Variants in SOX5 observed in about 807,000 individuals in gnomAD.
SOX5 encodes transcription factor SOX-5.
Under a neutral mutation model 92.0 loss-of-function variants are expected in SOX5, and 9 were observed. The observed-to-expected ratio is 0.10, with a 90% confidence interval of 0.06 to 0.17. The LOEUF (loss-of-function observed/expected upper bound fraction) is 0.17, where lower values mean the gene tolerates loss of function less well. SOX5 is among the 10% of genes least tolerant of loss of function. SOX5 has a pLI of 1.00. For synonymous variants in SOX5, 344 were observed against 336.3 expected, an observed-to-expected ratio of 1.02 and a Z score of -0.25; for missense variants, 642 against 944.5, an observed-to-expected ratio of 0.68 and a Z score of 4.20.
At chr12:24,407,348 A>C (rs1333366363) in intron 1 of SOX5, 3 of 152,286 alleles carry the variant, frequency 2.0e-5, no homozygotes, top group African/African-American at 7.2e-5. Context: ...GGCATCTCAT[A>C]GCCTTATCCA....
At chr12:24,349,169 C>T (rs1166524951) in intron 2 of SOX5, among the ~76,000 whole-genome samples, 1 of 152,208 alleles carries the variant, frequency 6.6e-6, no homozygotes, top group Non-Finnish European at 1.5e-5. Context: ...GCTGGCTTCT[C>T]AGCATGGTTC....
At chr12:23,567,584 C>T (rs1947361550) in intron 10 of SOX5, among the ~76,000 whole-genome samples, 1 of 151,306 alleles carries the variant, frequency 6.6e-6, no homozygotes, top group Non-Finnish European at 1.5e-5. Flanking sequence ...CCTCAGCCTC[C>T]TGAGTAGCTG....
chr12:24,225,343 C>A (rs1961650715), intron 3 of SOX5, among the ~76,000 whole-genome samples: 1 of 152,156 alleles, frequency 6.6e-6, no homozygotes, highest in Non-Finnish European at 1.5e-5. Flanking sequence ...ATAGTCACAT[C>A]TTTGTTTCAC....
intron 2 of SOX5, among the ~76,000 whole-genome samples, chr12:24,337,105 G>A (rs1358222906): frequency 6.6e-6 from 1 of 152,144 alleles, no homozygotes; most frequent in Non-Finnish European, 1.5e-5. Context: ...AATTACCAAA[G>A]CTTAACCAGA....
intron 4 of SOX5, among the ~76,000 whole-genome samples, chr12:24,079,897 C>T (rs761536441): frequency 2.0e-5 from 3 of 151,858 alleles, no homozygotes; most frequent in Non-Finnish European, 4.4e-5. Context: ...ACATTAACAT[C>T]CTCATAATTC....
chr12:23,619,748 T>A (rs1433957707), intron 8 of SOX5, among the ~76,000 whole-genome samples: 1 of 152,216 alleles, frequency 6.6e-6, no homozygotes, highest in African/African-American at 2.4e-5. Context: ...TTTTGGCTAC[T>A]GCCAGTAAAA....
intron 1 of SOX5, among the ~76,000 whole-genome samples, chr12:23,937,983 C>T (rs145810211): frequency 0.018 from 2,703 of 150,402 alleles, 39 homozygotes; most frequent in Non-Finnish European, 0.03. Context: ...TTTTTTTTCC[C>T]CAACTGTGTT....
chr12:24,319,286 C>A (rs531891201), intron 2 of SOX5, among the ~76,000 whole-genome samples: 10 of 152,320 alleles, frequency 6.6e-5, no homozygotes, highest in Admixed American at 3.3e-4. Flanking sequence ...TATTCTCTCC[C>A]TTTCCCTGTT....
At chr12:23,960,530 C>CATATAT (rs60925174) in intron 4 of SOX5, among the ~76,000 whole-genome samples, 1 of 137,136 alleles carries the variant, frequency 7.3e-6, no homozygotes, top group African/African-American at 2.9e-5. Flanking sequence ...TATATATATA[C>CATATAT]ATATATATAT....
At chr12:23,597,440 T>C (rs1052740345) in intron 9 of SOX5, among the ~76,000 whole-genome samples, 7 of 152,198 alleles carry the variant, frequency 4.6e-5, no homozygotes, top group African/African-American at 1.7e-4. Flanking sequence ...TTTAAGTACC[T>C]AGCTGTTTGA....
At chr12:24,218,008 C>T (rs1055280012) in intron 3 of SOX5, among the ~76,000 whole-genome samples, 4 of 152,110 alleles carry the variant, frequency 2.6e-5, no homozygotes, top group Non-Finnish European at 5.9e-5. Flanking sequence ...GACGTGGGAA[C>T]GCTCATAGAT....
chr12:24,195,822 A>C (rs1272740055), intron 4 of SOX5, among the ~76,000 whole-genome samples: 1 of 152,216 alleles, frequency 6.6e-6, no homozygotes, highest in African/African-American at 2.4e-5. Context: ...ACAACTTAAT[A>C]CTCTTAAGAA....
intron 3 of SOX5, among the ~76,000 whole-genome samples, chr12:24,224,163 C>CA (rs754310677): frequency 6.6e-5 from 10 of 152,132 alleles, no homozygotes; most frequent in Non-Finnish European, 1.0e-4. Context: ...CCCAGGATGA[C>CA]AAACAGTGCC....
At chr12:24,509,555 T>TG (rs941726922) in intron 1 of SOX5, among the ~76,000 whole-genome samples, 5 of 152,134 alleles carry the variant, frequency 3.3e-5, no homozygotes, top group South Asian at 2.1e-4. Flanking sequence ...TCTAAAATTT[T>TG]GGGGGGGAAT....
intron 2 of SOX5, among the ~76,000 whole-genome samples, chr12:23,870,211 GAAAAT>G (rs1239711701): frequency 1.3e-5 from 2 of 151,944 alleles, no homozygotes; most frequent in Non-Finnish European, 2.9e-5. Context: ...GAAGGTAATT[GAAAAT>G]AAAATAAAGA....
At chr12:24,204,146 G>A (rs1481279434) in intron 4 of SOX5, among the ~76,000 whole-genome samples, 2 of 152,008 alleles carry the variant, frequency 1.3e-5, no homozygotes, top group Non-Finnish European at 1.5e-5. Context: ...CCAATTAGCA[G>A]ATACATACAT....
At chr12:23,845,735 C>T (rs2136039420) in intron 3 of SOX5, among the ~76,000 whole-genome samples, 1 of 152,162 alleles carries the variant, frequency 6.6e-6, no homozygotes, top group African/African-American at 2.4e-5. Flanking sequence ...ATTCTTGAAT[C>T]TTTTTCATGC....
intron 3 of SOX5, among the ~76,000 whole-genome samples, chr12:24,226,766 C>T (rs1175040827): frequency 2.0e-5 from 3 of 152,188 alleles, no homozygotes; most frequent in African/African-American, 4.8e-5. Flanking sequence ...CCACCACGCC[C>T]GGCCTGTACA....
chr12:24,449,262 C>T (rs968974449), intron 1 of SOX5, among the ~76,000 whole-genome samples: 4 of 152,156 alleles, frequency 2.6e-5, no homozygotes, highest in East Asian at 3.8e-4. Flanking sequence ...TCTGTGTTCT[C>T]GCTCTTATCA....
Sources: allele counts gnomAD v4.1 joint callset (sites outside exome capture counted in the v4.1 genomes callset), GRCh38; gene constraint gnomAD v4.1.1; transcripts MANE v1.5; gene names NCBI Gene and HGNC (gene_info 2026-07-23, HGNC 2026-07-21).